Variants in BRCA1 observed in about 807,000 individuals in gnomAD.
BRCA1 encodes BRCA1 DNA repair associated, also known as breast cancer type 1 susceptibility protein.
Under a neutral mutation model 173.7 loss-of-function variants are expected in BRCA1, and 140 were observed. The observed-to-expected ratio is 0.81, with a 90% CI of 0.70 to 0.93. The LOEUF (loss-of-function observed/expected upper bound fraction) is 0.93, where lower values mean the gene tolerates loss of function less well. Among genes scored for constraint, BRCA1 ranks in the 40% least tolerant of loss-of-function variants. BRCA1 has a pLI of 0.00. For synonymous variants in BRCA1, 662 were observed against 756.0 expected (o/e 0.88, Z 2.04); for missense variants, 1,983 against 2,172.5 (o/e 0.91, Z 1.73).
intron 15 of BRCA1, among the ~76,000 whole-genome samples, chr17:43,068,276 C>CAA (rs766373028): frequency 2.2e-5 from 2 of 92,242 alleles, no homozygotes; most frequent in Non-Finnish European, 2.3e-5. Context: ...GACTCCGTCT[C>CAA]AAAAAAAAAA....
At chr17:43,139,695 C>A in intron 1 of BRCA1, 1 of 355,920 alleles carries the variant, frequency 2.8e-6, no homozygotes, top group Admixed American at 3.7e-5. Flanking sequence ...TCCTCCCACC[C>A]TTCACCCTCA....
intron 18 of BRCA1, among the ~76,000 whole-genome samples, chr17:43,057,836 AAAAC>A (rs532984972): frequency 1.3e-4 from 19 of 151,342 alleles, no homozygotes; most frequent in African/African-American, 3.4e-4. Context: ...ACTCCGTCTC[AAAAC>A]AAACAAACAA....
intron 2 of BRCA1, among the ~76,000 whole-genome samples, chr17:43,123,103 C>T (rs2055656155): frequency 6.6e-6 from 1 of 151,494 alleles, no homozygotes; most frequent in Non-Finnish European, 1.5e-5. Flanking sequence ...TGGTGGTGCA[C>T]ACCTATCGTC....
intron 12 of BRCA1, 112 bp from the exon 13 acceptor site, chr17:43,076,726 G>T (rs1311591399): frequency 1.5e-6 from 2 of 1,342,180 alleles, no homozygotes; most frequent in African/African-American, 1.4e-5. Flanking sequence ...ACACAAATTG[G>T]TTTTTAAACA....
At chr17:43,052,209 G>A (rs984697423) in intron 19 of BRCA1, among the ~76,000 whole-genome samples, 1 of 152,234 alleles carries the variant, frequency 6.6e-6, no homozygotes, top group Admixed American at 6.5e-5. Context: ...AGGTAGCCAT[G>A]AGTCACATAT....
At chr17:43,126,162 C>G (rs1466000653), upstream of BRCA1, among the ~76,000 whole-genome samples, 1 of 152,222 alleles carries the variant, frequency 6.6e-6, no homozygotes, top group African/African-American at 2.4e-5. Flanking sequence ...AGGGGAAATG[C>G]GCTCTGGCCC....
chr17:43,057,910 C>G (rs2051576843), intron 18 of BRCA1, among the ~76,000 whole-genome samples: 1 of 149,856 alleles, frequency 6.7e-6, no homozygotes, highest in South Asian at 2.1e-4. Context: ...GTCCCAGCTA[C>G]TCGGGAAGCT....
At chr17:43,136,170 A>C (rs1413090065) in intron 1 of BRCA1, among the ~76,000 whole-genome samples, 10 of 152,244 alleles carry the variant, frequency 6.6e-5, no homozygotes, top group Non-Finnish European at 1.3e-4. Context: ...GATAGACTGA[A>C]ACAGGCAATG....
At chr17:43,130,173 T>C (rs2055953375), upstream of BRCA1, among the ~76,000 whole-genome samples, 1 of 152,320 alleles carries the variant, frequency 6.6e-6, no homozygotes, top group East Asian at 1.9e-4. Flanking sequence ...TTTTTAAAAA[T>C]GTTTAATTGA....
At chr17:43,121,880 G>A (rs1333258498) in intron 2 of BRCA1, among the ~76,000 whole-genome samples, 2 of 151,994 alleles carry the variant, frequency 1.3e-5, no homozygotes, top group Non-Finnish European at 2.9e-5. Context: ...CTATTTTTAT[G>A]ACTCTCTCCC....
chr17:43,060,802 C>T (rs528818665), intron 18 of BRCA1, among the ~76,000 whole-genome samples: 21 of 152,094 alleles, frequency 1.4e-4, no homozygotes, highest in South Asian at 6.2e-4. Context: ...CCACCACACA[C>T]GACCAACATT....
chr17:43,100,686 T>TAACATATATATATATA, intron 6 of BRCA1, among the ~76,000 whole-genome samples: 1 of 17,436 alleles, frequency 5.7e-5, no homozygotes, highest in African/African-American at 1.1e-4. Flanking sequence ...ATAATATATA[T>TAACATATATATATATA]ATATATATAT....
intron 15 of BRCA1, among the ~76,000 whole-genome samples, 195 bp from the exon 16 acceptor site, chr17:43,067,890 TAAA>T (rs71157702): frequency 6.0e-5 from 3 of 50,106 alleles, no homozygotes; most frequent in African/African-American, 2.8e-4. Flanking sequence ...AGGCTGGAGG[TAAA>T]AAAAAAAAAA....
Position 43,093,190 on chromosome 17 carries a change from C to A in BRCA1, c.2341G>T (p.Glu781Ter). Reference protein sequence around the residue: ...LVPGTDYGTQESISLLEVSTL... With the variant: ...LVPGTDYGTQ ...CTAACTTCCAGTAACGAGATACTTTCCTGAGTGCCATAATCAGTACCAGGT... is the reference window on the plus strand; with the variant it reads ...CTAACTTCCAGTAACGAGATACTTTACTGAGTGCCATAATCAGTACCAGGT... The change falls in exon 10 of 23, where the codon GAA (glutamate) becomes TAA (stop). Residue 781 changes from glutamate to a stop codon, truncating the protein, a stop_gained. Transcript: ENST00000357654. LOFTEE classifies it high-confidence loss of function. 6.2e-7 allele frequency: 1 copy of A among 1,613,908 alleles called. No individual in the cohort carries two copies. Among genetic ancestry groups the A allele is most frequent in the Non-Finnish European group, 8.5e-7 (1 of 1,179,980 alleles).
At position 43,049,462 on chromosome 17, in the gene BRCA1, GA is replaced by G. The variant is rs995803266; in HGVS notation, c.5333-269del. Among the ~76,000 whole-genome samples, 3 of 151,024 alleles carry G rather than the reference GA, an allele frequency of 2.0e-5. No homozygotes were observed. Among genetic ancestry groups the G allele is most frequent in the South Asian group, 4.2e-4 (2 of 4,804 alleles). ...AGTCTCTCAAATAAAATGCTTGAAA[GA>G]AAAAAAAATCAAAGATCTAATTTCC... On this transcript the variant is annotated intron_variant, in intron 20 of 22. Transcript: ENST00000357654.
intron 1 of BRCA1, among the ~76,000 whole-genome samples, chr17:43,141,064 G>A (rs759537739): frequency 6.6e-6 from 1 of 152,154 alleles, no homozygotes; most frequent in Non-Finnish European, 1.5e-5. Flanking sequence ...ATGGTTTGCC[G>A]TCAGTGAGAT....
At chr17:43,088,173 TATC>T (rs1197757159) in intron 11 of BRCA1, among the ~76,000 whole-genome samples, 1 of 152,172 alleles carries the variant, frequency 6.6e-6, no homozygotes, top group Non-Finnish European at 1.5e-5. Flanking sequence ...ACAATTAACT[TATC>T]ATTTTAATCA....
chr17:43,097,353 A>G, intron 7 of BRCA1, 64 bp from the exon 8 acceptor site: 1 of 1,175,070 alleles, frequency 8.5e-7, no homozygotes, highest in Non-Finnish European at 1.3e-6. Flanking sequence ...GGTTAAAAAA[A>G]TGTACTTGTT....
At chr17:43,129,937 A>T (rs1402658254), upstream of BRCA1, among the ~76,000 whole-genome samples, 2 of 152,196 alleles carry the variant, frequency 1.3e-5, no homozygotes, top group Non-Finnish European at 2.9e-5. Flanking sequence ...ATATGAATGA[A>T]TACTTGACGT....
Sources: gnomAD v4.1 joint callset for allele counts (sites outside exome capture counted in the v4.1 genomes callset) on GRCh38, gnomAD v4.1.1 for gene constraint, MANE v1.5 for transcripts, NCBI Gene and HGNC (gene_info 2026-07-23, HGNC 2026-07-21) for gene names.